SLC4A10: variants seen among roughly 807,000 people sequenced by gnomAD.
The protein encoded by SLC4A10 is solute carrier family 4 member 10.
A neutral mutation model predicts 137.7 loss-of-function variants in SLC4A10; 42 were observed. The observed-to-expected ratio is 0.30, with a 90% confidence interval of 0.24 to 0.39. The LOEUF is 0.39. Ranked by LOEUF, SLC4A10 falls within the 10% of genes least tolerant of loss-of-function variation. SLC4A10 has a pLI of 1.00. For synonymous variants in SLC4A10, 474 were observed against 464.1 expected, an observed-to-expected ratio of 1.02 and a Z score of -0.27; for missense variants, 925 against 1,355.0, an observed-to-expected ratio of 0.68 and a Z score of 4.98.
chr2:161,658,245 CA>C (rs2037818176), intron 1 of SLC4A10, among the ~76,000 whole-genome samples: 1 of 152,148 alleles, frequency 6.6e-6, no homozygotes, highest in Admixed American at 6.5e-5. Flanking sequence ...TTAGATTCAA[CA>C]TAGAATATCA....
At chr2:161,856,358 A>AACACACACACACACAC (rs55983659) in intron 5 of SLC4A10, among the ~76,000 whole-genome samples, 118 of 141,926 alleles carry the variant, frequency 8.3e-4, no homozygotes, top group African/African-American at 2.7e-3. Context: ...AAAATACTAA[A>AACACACACACACACAC]ACACACACAC....
At chr2:161,766,732 T>C (rs2050838060) in intron 1 of SLC4A10, among the ~76,000 whole-genome samples, 2 of 152,014 alleles carry the variant, frequency 1.3e-5, no homozygotes, top group Admixed American at 1.3e-4. Context: ...ACCCCATTTT[T>C]AGTTTTTTTT....
chr2:161,894,690 T>C lies in SLC4A10; in HGVS notation c.1206T>C (p.Asp402=). The change falls in exon 11 of 27, where the codon GAT becomes GAC. Residue 402 remains aspartate (D), a synonymous_variant. Transcript: ENST00000446997. ...TATTTCTTCTAAAGGTATTTCATGA[T>C]GTTGCCTATAAAGCTAAAGATCGTA... ...ATLMTDEVFH[D]VAYKAKDRND... is the part of the protein sequence containing the mutation. 7.1e-7 allele frequency: 1 copy of C among 1,406,018 alleles called. No individual in the cohort carries two copies. Among genetic ancestry groups the C allele is most frequent in the East Asian group, 2.7e-5 (1 of 36,996 alleles). 87.1% of individuals were successfully genotyped at this position (1,406,018 alleles called of 1,614,324 possible). A position where few individuals can be genotyped will look rare whatever the true frequency, so the allele number is the denominator to read the frequency against.
At chr2:161,794,889 C>G (rs1034081600) in intron 2 of SLC4A10, among the ~76,000 whole-genome samples, 7 of 151,818 alleles carry the variant, frequency 4.6e-5, no homozygotes, top group African/African-American at 1.5e-4. Context: ...TGGGGTAAGC[C>G]AGCTCTAGCA....
intron 1 of SLC4A10, chr2:161,708,752 C>T: frequency 6.5e-7 from 1 of 1,531,204 alleles, no homozygotes; most frequent in Non-Finnish European, 8.7e-7. Flanking sequence ...ACAGGAAATG[C>T]AGTCTTTAGG....
intron 6 of SLC4A10, among the ~76,000 whole-genome samples, chr2:161,865,615 C>T (rs1325534296): frequency 6.6e-6 from 1 of 151,998 alleles, no homozygotes; most frequent in African/African-American, 2.4e-5. Context: ...TCCTCACACA[C>T]TTTGCATAAT....
intron 9 of SLC4A10, among the ~76,000 whole-genome samples, chr2:161,881,006 C>T (rs559797617): frequency 5.6e-4 from 84 of 151,302 alleles, no homozygotes; most frequent in Non-Finnish European, 9.0e-4. Flanking sequence ...TAGAGAACAA[C>T]GGAGAAAAAA....
chr2:161,874,003 G>A lies in SLC4A10; in HGVS notation c.946G>A (p.Glu316Lys). ...EKGPPHQQER[E>K]VDLHFMKKIP... ...AGGACCTCCACACCAGCAAGAGAGA[G>A]AGGTGAGGGCATACTCGGGCTCTAT... Residue 316 changes from glutamate to lysine, a missense_variant and splice_region_variant, in exon 8 of 27, where the codon GAG becomes AAG. Physicochemically the swap from Glu to Lys is moderately conservative, Grantham distance 56. Coordinates refer to ENST00000446997, the MANE Select transcript of SLC4A10 (RefSeq NM_001178015.2). 3 of 1,588,014 alleles carry A rather than the reference G, an allele frequency of 1.9e-6. No individual in the cohort carries two copies. Among genetic ancestry groups the A allele is most frequent in the Non-Finnish European group, 2.6e-6 (3 of 1,174,584 alleles).
chr2:161,927,474 G>A (rs1689383330), intron 15 of SLC4A10, among the ~76,000 whole-genome samples: 1 of 152,104 alleles, frequency 6.6e-6, no homozygotes, highest in Admixed American at 6.6e-5. Context: ...AGGACTTCAT[G>A]TCTAAAACAC....
At chr2:161,628,708 C>T (rs1344587695) in intron 1 of SLC4A10, among the ~76,000 whole-genome samples, 1 of 152,062 alleles carries the variant, frequency 6.6e-6, no homozygotes, top group East Asian at 1.9e-4. Context: ...AATTAATCCC[C>T]GTTTCTACTT....
At chr2:161,669,293 G>A (rs2039432425) in intron 1 of SLC4A10, among the ~76,000 whole-genome samples, 1 of 151,762 alleles carries the variant, frequency 6.6e-6, no homozygotes, top group Non-Finnish European at 1.5e-5. Context: ...GCTTATGCAG[G>A]AACAGTGAAG....
At chr2:161,721,147 C>G (rs575744577) in intron 1 of SLC4A10, among the ~76,000 whole-genome samples, 8 of 152,178 alleles carry the variant, frequency 5.3e-5, no homozygotes, top group Non-Finnish European at 1.0e-4. Flanking sequence ...GCTTACCATT[C>G]TGTGTCTTTT....
intron 15 of SLC4A10, among the ~76,000 whole-genome samples, chr2:161,934,315 C>T (rs1477533503): frequency 2.0e-5 from 3 of 152,160 alleles, no homozygotes; most frequent in Non-Finnish European, 4.4e-5. Context: ...CTGCCCACCC[C>T]TCATTACCCT....
At chr2:161,726,648 C>T (rs2046255077) in intron 1 of SLC4A10, among the ~76,000 whole-genome samples, 1 of 152,210 alleles carries the variant, frequency 6.6e-6, no homozygotes, top group Non-Finnish European at 1.5e-5. Flanking sequence ...GTGGCTCACA[C>T]CTGTAGTCCC....
intron 15 of SLC4A10, among the ~76,000 whole-genome samples, chr2:161,927,253 T>C (rs1288298092): frequency 6.6e-6 from 1 of 152,182 alleles, no homozygotes; most frequent in East Asian, 1.9e-4. Flanking sequence ...AGGCTTTGTT[T>C]GTTTCTTTTT....
intron 9 of SLC4A10, among the ~76,000 whole-genome samples, chr2:161,881,904 T>A (rs1459063877): frequency 1.3e-5 from 2 of 152,064 alleles, no homozygotes; most frequent in African/African-American, 4.8e-5. Flanking sequence ...ATACACCTAC[T>A]GTTTTTTGAC....
intron 16 of SLC4A10, among the ~76,000 whole-genome samples, chr2:161,943,938 A>G (rs1693219467): frequency 6.6e-6 from 1 of 151,936 alleles, no homozygotes; most frequent in South Asian, 2.1e-4. Context: ...TCTATTGAAT[A>G]TGTTCTTTCA....
intron 2 of SLC4A10, among the ~76,000 whole-genome samples, chr2:161,793,442 C>G (rs552409995): frequency 6.6e-6 from 1 of 151,744 alleles, no homozygotes; most frequent in African/African-American, 2.4e-5. Context: ...TCCTCAGCCC[C>G]CCAAGTGCCC....
intron 8 of SLC4A10, among the ~76,000 whole-genome samples, chr2:161,877,834 T>G (rs1174051753): frequency 6.6e-6 from 1 of 152,004 alleles, no homozygotes; most frequent in East Asian, 1.9e-4. Context: ...AATAAAATAA[T>G]GATTCTATTT....
Sources: gnomAD v4.1 joint callset for allele counts (sites outside exome capture counted in the v4.1 genomes callset) on GRCh38, gnomAD v4.1.1 for gene constraint, MANE v1.5 for transcripts, NCBI Gene and HGNC (gene_info 2026-07-23, HGNC 2026-07-21) for gene names.